Variants in CACHD1 observed in about 807,000 individuals in gnomAD.
The protein encoded by CACHD1 is cache domain containing 1, also known as VWFA and cache domain-containing protein 1.
Under a neutral mutation model 138.7 loss-of-function variants are expected in CACHD1, and 71 were observed. The observed-to-expected ratio is 0.51, with a 90% CI of 0.42 to 0.62. CACHD1 has a LOEUF of 0.62. CACHD1 is among the 20% of genes least tolerant of loss of function. The probability of loss-of-function intolerance (pLI) is 0.00; values close to 1 mark genes in which losing one functional copy is unlikely to be tolerated. For missense variants in CACHD1, 1,389 were observed against 1,625.3 expected (o/e 0.85, Z 2.50); for synonymous variants, 578 against 591.5 (o/e 0.98, Z 0.33).
At chr1:64,509,810 G>A (rs1646405470) in intron 1 of CACHD1, among the ~76,000 whole-genome samples, 1 of 152,130 alleles carries the variant, frequency 6.6e-6, no homozygotes, top group Non-Finnish European at 1.5e-5. Context: ...ATTTATTTAA[G>A]ACATAGCAGA....
At chr1:64,493,427 C>T (rs1342244618) in intron 1 of CACHD1, among the ~76,000 whole-genome samples, 1 of 152,152 alleles carries the variant, frequency 6.6e-6, no homozygotes, top group Non-Finnish European at 1.5e-5. Context: ...ATGCATCACA[C>T]ATTTTATTGG....
intron 1 of CACHD1, among the ~76,000 whole-genome samples, chr1:64,537,111 A>C (rs1379184331): frequency 6.6e-6 from 1 of 152,120 alleles, no homozygotes; most frequent in Admixed American, 6.5e-5. Context: ...TGTGAAAGTA[A>C]ATATTCAGTG....
intron 1 of CACHD1, among the ~76,000 whole-genome samples, chr1:64,515,567 G>T (rs1221404383): frequency 6.6e-6 from 1 of 152,122 alleles, no homozygotes; most frequent in Non-Finnish European, 1.5e-5. Flanking sequence ...TATTTGTGTT[G>T]ATATGGCTTC....
At chr1:64,672,121 G>A (rs114600574) in intron 17 of CACHD1, among the ~76,000 whole-genome samples, 1,913 of 152,268 alleles carry the variant, frequency 0.013, 39 homozygotes, top group African/African-American at 0.043. Context: ...GGAACCAAAA[G>A]TCTCTGCCTC....
chr1:64,574,937 A>T (rs569746013), intron 2 of CACHD1, among the ~76,000 whole-genome samples: 4 of 152,194 alleles, frequency 2.6e-5, no homozygotes, highest in Admixed American at 2.0e-4. Context: ...CAGATTTCCC[A>T]TGTAGAATTA....
At position 64,549,798 on chromosome 1, in the gene CACHD1, T is replaced by TA. The variant is rs67331139; in HGVS notation, c.199-796_199-795insA. The stretch of plus-strand genomic sequence containing the variant: ...TGATAAGGCTGCTGCTCTTTTTATT[T>TA]TTTTTATTTTTTTGCTCCTCTAGCA... On this transcript the variant is annotated intron_variant, in intron 1 of 26. Transcript: ENST00000651257. Among the ~76,000 whole-genome samples, 257 of 139,130 alleles carry TA rather than the reference T, an allele frequency of 1.8e-3. 1 individual carries two copies. Among genetic ancestry groups the TA allele is most frequent in the African/African-American group, 4.3e-3 (151 of 35,114 alleles). 91.3% of individuals were successfully genotyped at this position (139,130 alleles called of 152,430 possible).
intron 1 of CACHD1, among the ~76,000 whole-genome samples, chr1:64,538,742 A>G (rs1051610946): frequency 6.6e-6 from 1 of 152,188 alleles, no homozygotes; most frequent in Admixed American, 6.5e-5. Context: ...CCAGAATCGT[A>G]TTTATGAAAA....
rs541888782 is a variant in CACHD1 at position 64,645,271 on chromosome 1, C to T, written c.1157-2530C>T. On this transcript the variant is annotated intron_variant, in intron 8 of 26. Coordinates refer to ENST00000651257, the MANE Select transcript of CACHD1 (RefSeq NM_020925.4). ...TAAGATCTAGTATTTGATAATATAA[C>T]GGTGACTGTAGTCAATAGTAATTTA... Among the ~76,000 whole-genome samples the T allele has an allele frequency of 2.1e-3, 314 of 151,746 alleles. 1 individual carries two copies. The highest frequency in any genetic ancestry group is 6.9e-3 in the African/African-American group (287 of 41,310).
chr1:64,577,576 G>A (rs745779109), intron 2 of CACHD1, among the ~76,000 whole-genome samples: 43 of 152,090 alleles, frequency 2.8e-4, no homozygotes. Context: ...TTGTAACCTT[G>A]AGCAAATTAC....
intron 2 of CACHD1, among the ~76,000 whole-genome samples, chr1:64,566,487 C>CCCCT (rs1553133844): frequency 9.0e-5 from 13 of 144,058 alleles, no homozygotes; most frequent in South Asian, 7.2e-4. Context: ...ATTCCCCCCC[C>CCCCT]CCCACAAGGT....
chr1:64,678,285 C>T lies in CACHD1; in HGVS notation c.3219C>T (p.Pro1073=). 6.3e-7 allele frequency: 1 copy of T among 1,590,496 alleles called. No homozygotes were observed. Among genetic ancestry groups the T allele is most frequent in the Non-Finnish European group, 8.5e-7 (1 of 1,171,824 alleles). ...CFGGIVGAKS[P]YVDDMGAIGD... ...GGGGGATTGTGGGAGCCAAAAGTCC[C>T]TACGTTGATGACATGGGAGCAATAG... is the stretch of plus-strand genomic sequence containing the variant. Residue 1073 remains proline (P), a synonymous_variant, in exon 23 of 27, where the codon CCC becomes CCT. Transcript: ENST00000651257.
intron 2 of CACHD1, among the ~76,000 whole-genome samples, chr1:64,577,230 G>A (rs915773657): frequency 3.9e-5 from 6 of 152,248 alleles, no homozygotes; most frequent in African/African-American, 1.4e-4. Flanking sequence ...ACAGGTGTGA[G>A]CCCCTGCTCC....
In CACHD1 at chr1:64,544,454, C is replaced by A. The variant is rs553065206; in HGVS notation, c.199-6140C>A. On this transcript the variant is annotated intron_variant, in intron 1 of 26. Coordinates refer to ENST00000651257, the MANE Select transcript of CACHD1 (RefSeq NM_020925.4). ...CAGCAAAGTGGAATTCTCTTGCTAT[C>A]TGTCAAGCAGGCTCAATTAATTTGG... Among the ~76,000 whole-genome samples the A allele has an allele frequency of 2.0e-5, 3 of 152,206 alleles. No homozygotes were observed. The East Asian group carries it at 5.8e-4, about 29-fold the overall frequency.
At chr1:64,616,282 A>G (rs1350902389) in intron 4 of CACHD1, among the ~76,000 whole-genome samples, 2 of 152,202 alleles carry the variant, frequency 1.3e-5, no homozygotes, top group African/African-American at 2.4e-5. Flanking sequence ...TCCCTCGTGA[A>G]GAGCTTCTCT....
chr1:64,636,109 C>CAA (rs5774716), intron 7 of CACHD1, among the ~76,000 whole-genome samples: 5 of 137,056 alleles, frequency 3.6e-5, no homozygotes, highest in African/African-American at 1.4e-4. Flanking sequence ...GACTCAGTCT[C>CAA]AAAAAAAAAA....
chr1:64,527,115 A>G (rs920216371), intron 1 of CACHD1, among the ~76,000 whole-genome samples: 3 of 152,236 alleles, frequency 2.0e-5, no homozygotes, highest in African/African-American at 7.2e-5. Context: ...AAAATTGTCC[A>G]GAAAAATAAC....
intron 1 of CACHD1, among the ~76,000 whole-genome samples, chr1:64,538,618 G>A (rs1053664034): frequency 2.6e-5 from 4 of 152,288 alleles, no homozygotes; most frequent in Admixed American, 6.5e-5. Flanking sequence ...GAGCTAGTTC[G>A]CACAGAGCTG....
At chr1:64,477,678 A>G (rs1191835340) in intron 1 of CACHD1, among the ~76,000 whole-genome samples, 2 of 148,662 alleles carry the variant, frequency 1.3e-5, no homozygotes, top group African/African-American at 5.0e-5. Flanking sequence ...CCCAGGCCGG[A>G]CTGCGGACTG....
chr1:64,655,102 T>C (rs1649221362), intron 12 of CACHD1, among the ~76,000 whole-genome samples: 1 of 152,038 alleles, frequency 6.6e-6, no homozygotes. Flanking sequence ...CCCATCTCTA[T>C]AAAAAAATGT....
Sources: gnomAD v4.1 joint callset for allele counts (sites outside exome capture counted in the v4.1 genomes callset) on GRCh38, gnomAD v4.1.1 for gene constraint, MANE v1.5 for transcripts, NCBI Gene and HGNC (gene_info 2026-07-23, HGNC 2026-07-21) for gene names.